The following ATP2C1 variants were observed in gnomAD, a reference collection of about 807,000 sequenced individuals.
ATP2C1 encodes the protein calcium-transporting ATPase type 2C member 1.
A neutral mutation model predicts 120.5 loss-of-function variants in ATP2C1; 31 were observed. The observed-to-expected ratio is 0.26, with a 90% confidence interval of 0.19 to 0.35. The LOEUF is 0.35. ATP2C1 is among the 10% of genes least tolerant of loss of function. The probability of loss-of-function intolerance (pLI) is 1.00; values close to 1 mark genes in which losing one functional copy is unlikely to be tolerated. For synonymous variants in ATP2C1, 351 were observed against 358.7 expected (o/e 0.98, Z 0.24); for missense variants, 731 against 1,107.5 (o/e 0.66, Z 4.83).
At chr3:131,010,247 G>A (rs1399895403) in intron 26 of ATP2C1, among the ~76,000 whole-genome samples, 1 of 142,496 alleles carries the variant, frequency 7.0e-6, no homozygotes, top group East Asian at 2.0e-4. Flanking sequence ...CTGGAGTGCA[G>A]TGGAACGATC....
In ATP2C1 at chr3:130,980,669, T is replaced by C; in HGVS notation, c.1829T>C (p.Ile610Thr). ...DAMDVQQLSQ[I>T]VPKVAVFYRA... The stretch of plus-strand genomic sequence containing the variant: ...ATGGATGTTCAGCAGCTTTCACAAA[T>C]AGTACCAAAGGTAGGCCTAAACTAA... Residue 610 changes from isoleucine (I) to threonine (T), a missense_variant, in exon 20 of 28, where the codon ATA (isoleucine) becomes ACA (threonine). Ile to Thr is a moderately conservative substitution (Grantham distance 89, BLOSUM62 -1). Transcript: ENST00000510168. 1 of 1,612,580 alleles carries C rather than the reference T, an allele frequency of 6.2e-7. No homozygotes were observed. The highest frequency in any genetic ancestry group is 8.5e-7 in the Non-Finnish European group (1 of 1,178,856).
chr3:130,906,575 G>A lies in ATP2C1; in HGVS notation c.6+11800G>A, dbSNP rs147392077. On this transcript the variant is annotated intron_variant, in intron 2 of 27. Transcript: ENST00000510168. ...ATGGTAATTCTATCTTTAATTTATTGAGTAACTGCCATAGTGGTTGAACCA... is the reference window on the plus strand; with the variant it reads ...ATGGTAATTCTATCTTTAATTTATTAAGTAACTGCCATAGTGGTTGAACCA... Among the ~76,000 whole-genome samples, 350 of 151,900 alleles carry A rather than the reference G, an allele frequency of 2.3e-3. 1 individual carries two copies. Among genetic ancestry groups the A allele is most frequent in the African/African-American group, 8.2e-3 (340 of 41,450 alleles).
In ATP2C1 at chr3:131,013,053, A is replaced by G. The variant is rs1310543236; in HGVS notation, c.2630-3099A>G. Among the ~76,000 whole-genome samples the G allele has an allele frequency of 3.9e-5, 6 of 152,262 alleles. No individual in the cohort carries two copies. The South Asian group carries it at 1.2e-3, about 31-fold the overall frequency. ...GTACAGAAGGAAGAACACAATTTGT[A>G]TGAATACAAGTAAAATGAAGGTTGA... On this transcript the variant is annotated intron_variant, in intron 26 of 26. Coordinates refer to the ATP2C1 transcript ENST00000328560.
intron 18 of ATP2C1, 124 bp from the exon 19 acceptor site, chr3:130,979,125 T>A: frequency 2.2e-6 from 2 of 901,108 alleles, no homozygotes; most frequent in Non-Finnish European, 3.5e-6. Context: ...ATTTTACAAA[T>A]GACATTATAG....
At chr3:130,983,431 C>T (rs1400177347) in intron 20 of ATP2C1, among the ~76,000 whole-genome samples, 2 of 152,204 alleles carry the variant, frequency 1.3e-5, no homozygotes, top group African/African-American at 4.8e-5. Context: ...TATTAATAGA[C>T]TGCATTACTG....
At chr3:130,969,446 A>G in intron 17 of ATP2C1, 50 bp downstream of exon 17, 2 of 1,421,830 alleles carry the variant, frequency 1.4e-6, no homozygotes, top group Non-Finnish European at 2.0e-6. Flanking sequence ...TTAGATGACT[A>G]TTTTTTCATT....
chr3:130,972,711 G>A (rs942969458), intron 17 of ATP2C1, among the ~76,000 whole-genome samples: 35 of 143,918 alleles, frequency 2.4e-4, no homozygotes, highest in Non-Finnish European at 4.0e-4. Flanking sequence ...GAGAACATGC[G>A]GTGTTTGGTT....
In ATP2C1 at chr3:131,001,455, C is replaced by A; in HGVS notation, c.*105C>A. The stretch of plus-strand genomic sequence containing the variant: ...AAGATTTGAGAACTTTTTAACTATT[C>A]ATTGACTAAAAATGAACATTAATGT... On this transcript the variant is annotated 3_prime_UTR_variant, in exon 28 of 28. Transcript: ENST00000510168. 2 of 1,471,870 alleles carry A rather than the reference C, an allele frequency of 1.4e-6. No homozygotes were observed. Among genetic ancestry groups the A allele is most frequent in the South Asian group, 1.4e-5 (1 of 71,414 alleles). The allele number at this position is 1,471,870 out of a possible 1,614,324, so 91.2% of individuals were successfully genotyped here.
intron 2 of ATP2C1, among the ~76,000 whole-genome samples, chr3:130,921,716 T>C (rs2058976251): frequency 1.3e-5 from 2 of 152,210 alleles, no homozygotes; most frequent in South Asian, 4.1e-4. Flanking sequence ...CATGTGATTT[T>C]TATCTTTGAT....
At chr3:130,870,805 G>A (rs932479021) in intron 1 of ATP2C1, among the ~76,000 whole-genome samples, 9 of 152,178 alleles carry the variant, frequency 5.9e-5, no homozygotes, top group Non-Finnish European at 1.2e-4. Context: ...GCAGTGGCAG[G>A]GTTTGAGAGG....
chr3:130,917,705 C>T (rs1466948967), intron 2 of ATP2C1, among the ~76,000 whole-genome samples: 3 of 152,150 alleles, frequency 2.0e-5, no homozygotes, highest in East Asian at 1.9e-4. Context: ...TTAAAGTATA[C>T]ATTATTGTTG....
intron 2 of ATP2C1, among the ~76,000 whole-genome samples, chr3:130,902,284 GTTTTTTTT>G (rs1157956407): frequency 6.1e-5 from 4 of 65,504 alleles, no homozygotes; most frequent in African/African-American, 1.7e-4. Flanking sequence ...AAGGCTTCAC[GTTTTTTTT>G]TTTTGTTTTT....
intron 8 of ATP2C1, among the ~76,000 whole-genome samples, chr3:130,951,572 A>G (rs1252320693): frequency 6.6e-6 from 1 of 152,188 alleles, no homozygotes; most frequent in African/African-American, 2.4e-5. Flanking sequence ...GTTAGTGTGA[A>G]AAGTTAAATA....
At chr3:131,004,231 G>A (rs2063013117), downstream of ATP2C1, among the ~76,000 whole-genome samples, 1 of 152,208 alleles carries the variant, frequency 6.6e-6, no homozygotes, top group African/African-American at 2.4e-5. Context: ...AATCTTTGAA[G>A]TGCTTTTTAA....
chr3:130,924,234 T>G (rs1358832132), intron 2 of ATP2C1, among the ~76,000 whole-genome samples: 1 of 152,196 alleles, frequency 6.6e-6, no homozygotes, highest in African/African-American at 2.4e-5. Flanking sequence ...TTTGAGGTTT[T>G]GTTTCAAGAT....
chr3:130,952,010 GT>G (rs1265071739), intron 8 of ATP2C1, among the ~76,000 whole-genome samples: 2 of 152,040 alleles, frequency 1.3e-5, no homozygotes, highest in East Asian at 1.9e-4. Flanking sequence ...TGTCCCCAAG[GT>G]CTTTGTACTT....
intron 17 of ATP2C1, among the ~76,000 whole-genome samples, chr3:130,973,687 T>A (rs111878625): frequency 0.014 from 2,144 of 152,256 alleles, 45 homozygotes; most frequent in African/African-American, 0.049. Context: ...TATTTAATAT[T>A]TTTGGACTGC....
chr3:130,996,405 T>C, intron 23 of ATP2C1: 1 of 577,454 alleles, frequency 1.7e-6, no homozygotes, highest in Non-Finnish European at 3.1e-6. Context: ...GTAGAAGGGG[T>C]ATTGTGTAGT....
In ATP2C1 at chr3:131,001,701, A is replaced by G. The variant is rs11542183; in HGVS notation, c.*351A>G. On this transcript the variant is annotated 3_prime_UTR_variant, in exon 28 of 28. Transcript: ENST00000510168. ...ATCTTAGATAGATATATTTTTTTTT[A>G]TTTTTAAATATTGTACTATTTATGG... The G allele has an allele frequency of 1.0e-6, 1 of 967,186 alleles. No homozygotes were observed. Among genetic ancestry groups the G allele is most frequent in the Non-Finnish European group, 1.2e-6 (1 of 813,016 alleles). The allele number at this position is 967,186 out of a possible 1,614,324, so 59.9% of individuals were successfully genotyped here.
Sources: gnomAD v4.1 joint callset for allele counts (sites outside exome capture counted in the v4.1 genomes callset) on GRCh38, gnomAD v4.1.1 for gene constraint, MANE v1.5 for transcripts, NCBI Gene and HGNC (gene_info 2026-07-23, HGNC 2026-07-21) for gene names.